The following PDIA5 variants were observed in gnomAD, a reference collection of about 807,000 sequenced individuals.
PDIA5 encodes protein disulfide isomerase family A member 5.
A neutral mutation model predicts 77.6 loss-of-function variants in PDIA5; 58 were observed. The observed-to-expected ratio is 0.75, with a 90% CI of 0.61 to 0.93. The LOEUF (loss-of-function observed/expected upper bound fraction) is 0.93, where lower values mean the gene tolerates loss of function less well. Ranked by LOEUF, PDIA5 falls within the 40% of genes least tolerant of loss-of-function variation. The pLI is 0.00. For missense variants in PDIA5, 630 were observed against 647.7 expected, an observed-to-expected ratio of 0.97 and a Z score of 0.30; for synonymous variants, 250 against 252.1, an observed-to-expected ratio of 0.99 and a Z score of 0.08.
intron 11 of PDIA5, among the ~76,000 whole-genome samples, chr3:123,135,695 G>A (rs1935482381): frequency 6.9e-6 from 1 of 145,692 alleles, no homozygotes; most frequent in African/African-American, 2.5e-5. Context: ...TAAAATATAG[G>A]TGATTAAGGA....
intron 1 of PDIA5, among the ~76,000 whole-genome samples, chr3:123,078,342 A>G (rs1185668816): frequency 6.6e-6 from 1 of 152,224 alleles, no homozygotes; most frequent in Non-Finnish European, 1.5e-5. Flanking sequence ...GGGAGGAATC[A>G]GAAGGCCCAT....
intron 7 of PDIA5, 35 bp downstream of exon 7, chr3:123,111,039 T>A: frequency 6.4e-7 from 1 of 1,567,138 alleles, no homozygotes. Context: ...CAGAGCTAGT[T>A]GTTTAGTCTC....
chr3:123,092,563 A>T (rs1050939340), intron 3 of PDIA5, 121 bp downstream of exon 3: 1 of 775,750 alleles, frequency 1.3e-6, no homozygotes, highest in Non-Finnish European at 2.2e-6. Context: ...CGATGGAAAG[A>T]TTCCATCTAG....
intron 11 of PDIA5, among the ~76,000 whole-genome samples, chr3:123,140,270 C>T (rs906525040): frequency 6.6e-6 from 1 of 152,118 alleles, no homozygotes; most frequent in Non-Finnish European, 1.5e-5. Flanking sequence ...GTAGGCAGGA[C>T]TCAGCTTGTG....
intron 10 of PDIA5, among the ~76,000 whole-genome samples, chr3:123,130,018 A>G (rs1283722975): frequency 6.7e-6 from 1 of 149,932 alleles, no homozygotes; most frequent in Non-Finnish European, 1.5e-5. Context: ...TCTCCTCCTC[A>G]CCCCCTCCTC....
intron 1 of PDIA5, among the ~76,000 whole-genome samples, chr3:123,075,083 A>C (rs1477949277): frequency 6.6e-6 from 1 of 152,242 alleles, no homozygotes. Context: ...GTTGGTATCT[A>C]ATGTAGCAAT....
intron 10 of PDIA5, among the ~76,000 whole-genome samples, 191 bp from the exon 11 acceptor site, chr3:123,130,289 G>T (rs1449244006): frequency 1.3e-5 from 2 of 152,212 alleles, no homozygotes; most frequent in Non-Finnish European, 2.9e-5. Flanking sequence ...CGGGGAAGGT[G>T]GAGGTGGGCA....
At chr3:123,160,914 T>C (rs1936145020) in intron 15 of PDIA5, among the ~76,000 whole-genome samples, 1 of 152,206 alleles carries the variant, frequency 6.6e-6, no homozygotes. Context: ...GCTCTTGCCC[T>C]TAACCTTGGC....
At chr3:123,109,178 A>T (rs1934808583) in intron 6 of PDIA5, among the ~76,000 whole-genome samples, 1 of 152,220 alleles carries the variant, frequency 6.6e-6, no homozygotes, top group Non-Finnish European at 1.5e-5. Context: ...TCCTATGGAA[A>T]TAAGAAGTAT....
intron 2 of PDIA5, among the ~76,000 whole-genome samples, chr3:123,089,844 G>C (rs953772296): frequency 2.0e-5 from 3 of 152,268 alleles, no homozygotes; most frequent in Non-Finnish European, 2.9e-5. Context: ...AGCATTTCTT[G>C]GGGGCAGGAG....
intron 11 of PDIA5, among the ~76,000 whole-genome samples, chr3:123,135,399 CT>C (rs1258823144): frequency 5.9e-5 from 9 of 152,178 alleles, no homozygotes; most frequent in Non-Finnish European, 1.2e-4. Flanking sequence ...TTCCTCTCCC[CT>C]GTGCTACAGG....
chr3:123,151,780 C>G (rs1011939037), intron 14 of PDIA5, among the ~76,000 whole-genome samples: 1 of 139,094 alleles, frequency 7.2e-6, no homozygotes, highest in African/African-American at 2.7e-5. Flanking sequence ...GCCTGCCTGC[C>G]TGGCCTGCCT....
chr3:123,129,651 C>G (rs1029970232), intron 10 of PDIA5, among the ~76,000 whole-genome samples: 1 of 152,204 alleles, frequency 6.6e-6, no homozygotes, highest in African/African-American at 2.4e-5. Context: ...TGTGTCACCA[C>G]CAGCCACCTT....
intron 10 of PDIA5, among the ~76,000 whole-genome samples, chr3:123,130,239 T>G (rs553254593): frequency 6.6e-6 from 1 of 152,352 alleles, no homozygotes; most frequent in South Asian, 2.1e-4. Flanking sequence ...AAGCCACTGT[T>G]TGTAACAGGA....
At chr3:123,102,938 CAT>C in intron 5 of PDIA5, 142 bp downstream of exon 5, 1 of 680,604 alleles carries the variant, frequency 1.5e-6, no homozygotes, top group Non-Finnish European at 2.7e-6. Context: ...ATCTCTAGAG[CAT>C]ATGTCAGCAG....
intron 5 of PDIA5, among the ~76,000 whole-genome samples, chr3:123,106,193 T>G (rs1078982): frequency 2.0e-5 from 3 of 152,124 alleles, no homozygotes; most frequent in African/African-American, 7.2e-5. Context: ...CTCATTCATA[T>G]ACAGAGGCGG....
chr3:123,152,233 G>T (rs989914957), intron 14 of PDIA5, among the ~76,000 whole-genome samples: 1 of 152,082 alleles, frequency 6.6e-6, no homozygotes, highest in East Asian at 1.9e-4. Flanking sequence ...TCTGTGCTGT[G>T]CAGTGTCTAG....
rs3804739 is a variant in PDIA5 at position 123,091,683 on chromosome 3, C to T, written c.170-672C>T. On this transcript the variant is annotated intron_variant, in intron 2 of 16. Coordinates refer to ENST00000316218, the MANE Select transcript of PDIA5 (RefSeq NM_006810.4). ...CCATCCTGTCCCAAGGCATGGTCCACATTCCTGCAATTGACCCCTGGAGGT... is the reference window on the plus strand; with the variant it reads ...CCATCCTGTCCCAAGGCATGGTCCATATTCCTGCAATTGACCCCTGGAGGT... 1.4e-4 allele frequency among the ~76,000 whole-genome samples: 22 copies of T among 152,338 alleles called. No homozygotes were observed. The East Asian group carries it at 4.3e-3, about 29-fold the overall frequency.
At chr3:123,109,460 G>A (rs986222299) in intron 6 of PDIA5, among the ~76,000 whole-genome samples, 1 of 152,078 alleles carries the variant, frequency 6.6e-6, no homozygotes, top group East Asian at 1.9e-4. Flanking sequence ...CGTAGTTAGG[G>A]TTAAATATCT....
Sources: gnomAD v4.1 joint callset for allele counts (sites outside exome capture counted in the v4.1 genomes callset) on GRCh38, gnomAD v4.1.1 for gene constraint, MANE v1.5 for transcripts, NCBI Gene and HGNC (gene_info 2026-07-23, HGNC 2026-07-21) for gene names.